Variants in GRM1 observed in about 807,000 individuals in gnomAD.
The protein encoded by GRM1 is glutamate metabotropic receptor 1.
In GRM1, 33 loss-of-function variants were observed where a neutral mutation model predicts 90.9. The ratio of observed to expected loss-of-function variants is 0.36; its 90% CI spans 0.28 to 0.49. The LOEUF is 0.49. GRM1 is among the 20% of genes least tolerant of loss of function. GRM1 has a pLI of 0.99. For synonymous variants in GRM1, 700 were observed against 613.2 expected (o/e 1.14, Z -2.09); for missense variants, 1,190 against 1,534.3 (o/e 0.78, Z 3.75).
intron 6 of GRM1, among the ~76,000 whole-genome samples, chr6:146,392,416 A>T (rs1776759733): frequency 6.6e-6 from 1 of 152,184 alleles, no homozygotes; most frequent in South Asian, 2.1e-4. Flanking sequence ...TTTAAATAAA[A>T]TTGTTACATG....
At chr6:146,405,672 G>A (rs1409990747) in intron 7 of GRM1, among the ~76,000 whole-genome samples, 1 of 151,576 alleles carries the variant, frequency 6.6e-6, no homozygotes, top group African/African-American at 2.4e-5. Flanking sequence ...CAATGATAGA[G>A]ACAGCGAGAC....
intron 2 of GRM1, among the ~76,000 whole-genome samples, chr6:146,232,065 A>G (rs2114705985): frequency 6.6e-6 from 1 of 152,236 alleles, no homozygotes; most frequent in South Asian, 2.1e-4. Flanking sequence ...TTCTGGAAGT[A>G]CATCGCTTAC....
rs1173575402 is a variant in GRM1 at position 146,350,677 on chromosome 6, G to T, written c.1187-1573G>T. Reference sequence around the variant, plus strand: ...CATGGGTTCTGAGTGACAGACATAAGCTACTCTGTTTAAATGAATCTGCAA... The same window carrying T: ...CATGGGTTCTGAGTGACAGACATAATCTACTCTGTTTAAATGAATCTGCAA... On this transcript the variant is annotated intron_variant, in intron 3 of 7. Transcript: ENST00000282753. 2.6e-5 allele frequency among the ~76,000 whole-genome samples: 4 copies of T among 152,122 alleles called. No individual in the cohort carries two copies. The East Asian group carries it at 7.7e-4, about 29-fold the overall frequency.
At chr6:146,234,346 A>G (rs1780557379) in intron 2 of GRM1, among the ~76,000 whole-genome samples, 3 of 151,936 alleles carry the variant, frequency 2.0e-5, no homozygotes, top group Admixed American at 2.0e-4. Context: ...TTATGGTATA[A>G]TTGTATTAAC....
intron 2 of GRM1, among the ~76,000 whole-genome samples, chr6:146,230,751 T>A (rs970543842): frequency 2.6e-5 from 4 of 152,126 alleles, no homozygotes; most frequent in Admixed American, 2.6e-4. Flanking sequence ...TTACCAAATC[T>A]TGGAAGCAAT....
chr6:146,214,736 G>A (rs1003093056), intron 2 of GRM1, among the ~76,000 whole-genome samples: 30 of 152,136 alleles, frequency 2.0e-4, no homozygotes, highest in Non-Finnish European at 7.4e-5. Flanking sequence ...GATATATATA[G>A]AGGAAGTCTT....
chr6:146,299,231 A>G (rs1221568514), intron 2 of GRM1, among the ~76,000 whole-genome samples: 1 of 152,162 alleles, frequency 6.6e-6, no homozygotes, highest in African/African-American at 2.4e-5. Context: ...AAATTCCTCT[A>G]TCTAACCTAC....
At chr6:146,072,536 C>A (rs1400319907) in intron 1 of GRM1, among the ~76,000 whole-genome samples, 2 of 152,078 alleles carry the variant, frequency 1.3e-5, no homozygotes, top group Non-Finnish European at 2.9e-5. Flanking sequence ...ATGTTATTGT[C>A]CTGAATAGAG....
chr6:146,248,440 G>C (rs1050749774), intron 2 of GRM1, among the ~76,000 whole-genome samples: 1 of 152,152 alleles, frequency 6.6e-6, no homozygotes. Context: ...GTGATAGTGA[G>C]GGAGTTCTCA....
At chr6:146,314,233 ATT>A (rs569665452) in intron 3 of GRM1, among the ~76,000 whole-genome samples, 2 of 140,962 alleles carry the variant, frequency 1.4e-5, no homozygotes. Context: ...TGCCCGATTA[ATT>A]TTTTTTTTTT....
chr6:146,378,073 G>C (rs1181993377), intron 5 of GRM1, among the ~76,000 whole-genome samples: 1 of 152,212 alleles, frequency 6.6e-6, no homozygotes, highest in Non-Finnish European at 1.5e-5. Flanking sequence ...GCATGGAAGA[G>C]TTGAGGAGTG....
At position 146,436,744 on chromosome 6, in the gene GRM1, T is replaced by C. The variant is rs934001492; in HGVS notation, c.*1948T>C. 6.6e-6 allele frequency: 1 copy of C among 152,666 alleles called. No homozygotes were observed. The highest frequency in any genetic ancestry group is 1.5e-5 in the Non-Finnish European group (1 of 68,018). 9.5% of individuals were successfully genotyped at this position (152,666 alleles called of 1,614,324 possible). ...CTTCTATTATTTGTGGAATGAATTA[T>C]ACCCCCCTTAAATATCTTTGTTTAT... On this transcript the variant is annotated 3_prime_UTR_variant, in exon 8 of 8. Coordinates refer to ENST00000282753, the MANE Select transcript of GRM1 (RefSeq NM_001278064.2).
intron 2 of GRM1, among the ~76,000 whole-genome samples, chr6:146,194,993 G>A (rs541790709): frequency 2.6e-5 from 4 of 152,270 alleles, no homozygotes; most frequent in Admixed American, 2.0e-4. Context: ...GTTACTACAT[G>A]TAAAACACTT....
intron 1 of GRM1, among the ~76,000 whole-genome samples, chr6:146,078,748 A>G (rs981188044): frequency 1.3e-5 from 2 of 152,206 alleles, no homozygotes; most frequent in African/African-American, 4.8e-5. Flanking sequence ...AGTGATTCCA[A>G]TCATGTAGTT....
At position 146,127,483 on chromosome 6, in the gene GRM1, T is replaced by A. The variant is rs528256624; in HGVS notation, c.701-31865T>A. Reference sequence around the variant, plus strand: ...AGGGAAATGCAGGTGATATTGTTCATGGCTGGTGCTCACTCCTGAGGTTTG... The same window carrying A: ...AGGGAAATGCAGGTGATATTGTTCAAGGCTGGTGCTCACTCCTGAGGTTTG... On this transcript the variant is annotated intron_variant, in intron 1 of 7. Transcript: ENST00000282753. Among the ~76,000 whole-genome samples the A allele has an allele frequency of 2.6e-5, 4 of 152,302 alleles. No individual in the cohort carries two copies. The South Asian group carries it at 8.3e-4, about 32-fold the overall frequency.
At chr6:146,285,248 C>T (rs1782715772) in intron 2 of GRM1, among the ~76,000 whole-genome samples, 1 of 152,162 alleles carries the variant, frequency 6.6e-6, no homozygotes, top group Non-Finnish European at 1.5e-5. Flanking sequence ...TGATTTTCTC[C>T]ATCTCTGTTA....
chr6:146,099,715 G>A (rs1324306947), intron 1 of GRM1, among the ~76,000 whole-genome samples: 8 of 152,096 alleles, frequency 5.3e-5, no homozygotes, highest in Admixed American at 3.3e-4. Context: ...TCATGCTGTT[G>A]TATGTGACTT....
chr6:146,186,654 CT>C (rs1348125599), intron 2 of GRM1, among the ~76,000 whole-genome samples: 1 of 152,174 alleles, frequency 6.6e-6, no homozygotes. Flanking sequence ...CTACGTACTG[CT>C]TAATTGCAAA....
At chr6:146,262,297 G>GA (rs1253641469) in intron 2 of GRM1, among the ~76,000 whole-genome samples, 1 of 152,026 alleles carries the variant, frequency 6.6e-6, no homozygotes, top group African/African-American at 2.4e-5. Context: ...ACAACCTGCT[G>GA]AAAAATTGTA....
Sources: gnomAD v4.1 joint callset for allele counts (sites outside exome capture counted in the v4.1 genomes callset) on GRCh38, gnomAD v4.1.1 for gene constraint, MANE v1.5 for transcripts, NCBI Gene and HGNC (gene_info 2026-07-23, HGNC 2026-07-21) for gene names.